The following EYS variants were observed in gnomAD, a reference collection of about 807,000 sequenced individuals.
The protein encoded by EYS is EGF-like photoreceptor maintenance factor.
EYS carries 250 observed loss-of-function variants against 282.1 expected under a neutral mutation model. That is an observed-to-expected ratio of 0.89 (90% CI 0.80 to 0.98). The LOEUF (loss-of-function observed/expected upper bound fraction) is 0.98, where lower values mean the gene tolerates loss of function less well. EYS is among the 50% of genes least tolerant of loss of function. The pLI is 0.00. For synonymous variants in EYS, 1,355 were observed against 1,282.9 expected (o/e 1.06, Z -1.20); for missense variants, 4,016 against 3,709.0 (o/e 1.08, Z -2.15).
chr6:65,079,717 T>A (rs1774171326), intron 12 of EYS, among the ~76,000 whole-genome samples: 1 of 152,122 alleles, frequency 6.6e-6, no homozygotes, highest in African/African-American at 2.4e-5. Flanking sequence ...GCATTGACTT[T>A]ACATGTATTA....
Position 64,385,764 on chromosome 6 carries a change from A to G in EYS, c.6078+2926T>C, listed in dbSNP as rs544001070. 2.6e-5 allele frequency among the ~76,000 whole-genome samples: 4 copies of G among 151,304 alleles called. No individual in the cohort carries two copies. In the South Asian group the frequency reaches 8.4e-4, roughly 32 times the overall value. ...CTCTGTTGCTTCTTCCAGTTCATTTATTCTTCCTCAGAATATTACAATTTG... is the reference window on the plus strand; with the variant it reads ...CTCTGTTGCTTCTTCCAGTTCATTTGTTCTTCCTCAGAATATTACAATTTG... On this transcript the variant is annotated intron_variant, in intron 29 of 42. Transcript: ENST00000503581.
intron 8 of EYS, among the ~76,000 whole-genome samples, chr6:65,364,917 G>A (rs533989547): frequency 6.6e-6 from 1 of 151,732 alleles, no homozygotes; most frequent in Non-Finnish European, 1.5e-5. Flanking sequence ...GAAAATCTCA[G>A]TGATAGTGTG....
rs73436908 is a variant in EYS at position 63,870,813 on chromosome 6, G to A, written c.7056-6455C>T. Among the ~76,000 whole-genome samples the A allele has an allele frequency of 3.4e-3, 517 of 152,218 alleles. 2 individuals carry two copies. Among genetic ancestry groups the A allele is most frequent in the African/African-American group, 0.01 (435 of 41,524 alleles). On this transcript the variant is annotated intron_variant, in intron 35 of 42. Transcript: ENST00000503581. ...GTTTAATGCCTACCTCTTGAACCCCGTGGTATATTTAGATTATAATCTGAA... is the reference window on the plus strand; with the variant it reads ...GTTTAATGCCTACCTCTTGAACCCCATGGTATATTTAGATTATAATCTGAA...
intron 13 of EYS, among the ~76,000 whole-genome samples, chr6:65,030,729 G>A (rs1370094915): frequency 6.6e-6 from 1 of 152,094 alleles, no homozygotes; most frequent in Non-Finnish European, 1.5e-5. Context: ...AGCCCTTCAG[G>A]GGCTGCTTTA....
chr6:63,936,534 T>C (rs1318560759), intron 35 of EYS, among the ~76,000 whole-genome samples: 1 of 152,220 alleles, frequency 6.6e-6, no homozygotes, highest in Non-Finnish European at 1.5e-5. Context: ...ATCCTACACA[T>C]GACTGCTGTT....
intron 12 of EYS, among the ~76,000 whole-genome samples, chr6:65,253,862 C>T (rs1767391011): frequency 6.6e-6 from 1 of 151,568 alleles, no homozygotes; most frequent in Admixed American, 6.6e-5. Flanking sequence ...CTCTAATATC[C>T]TATCTTTTTC....
At chr6:65,295,728 A>C (rs201230256) in intron 12 of EYS, 135 bp downstream of exon 12, 1 of 785,310 alleles carries the variant, frequency 1.3e-6, no homozygotes. Flanking sequence ...TTTTTTTTTT[A>C]CTTTGCCAAA....
At chr6:65,346,532 G>T (rs1473283145) in intron 9 of EYS, among the ~76,000 whole-genome samples, 1 of 151,246 alleles carries the variant, frequency 6.6e-6, no homozygotes, top group African/African-American at 2.4e-5. Context: ...TTCAATTGGA[G>T]GAATGGAGTA....
chr6:65,571,664 C>A (rs918434620), intron 2 of EYS, among the ~76,000 whole-genome samples: 2 of 151,928 alleles, frequency 1.3e-5, no homozygotes, highest in African/African-American at 4.8e-5. Context: ...GTACTATGAT[C>A]AGTTGCATTT....
chr6:64,419,777 C>T (rs772929523), intron 28 of EYS, among the ~76,000 whole-genome samples: 1 of 152,232 alleles, frequency 6.6e-6, no homozygotes, highest in African/African-American at 2.4e-5. Context: ...TGTGGCTTTG[C>T]AGGGTACAGC....
chr6:65,226,110 T>C (rs986808470), intron 12 of EYS, among the ~76,000 whole-genome samples: 1 of 152,038 alleles, frequency 6.6e-6, no homozygotes, highest in East Asian at 1.9e-4. Context: ...ATGTTATATA[T>C]AGGAAATTCT....
At chr6:64,321,741 T>A (rs1373187999) in intron 29 of EYS, among the ~76,000 whole-genome samples, 1 of 151,906 alleles carries the variant, frequency 6.6e-6, no homozygotes, top group Non-Finnish European at 1.5e-5. Flanking sequence ...AATGTAGTGT[T>A]TCTGATGTTT....
chr6:63,933,482 C>T (rs1042600366), intron 35 of EYS, among the ~76,000 whole-genome samples: 2 of 152,184 alleles, frequency 1.3e-5, no homozygotes, highest in African/African-American at 4.8e-5. Flanking sequence ...GCTGGGATTA[C>T]AGGTATGAGC....
rs1203370411 is a variant in EYS at position 64,590,273 on chromosome 6, G to A, written c.5594C>T (p.Thr1865Ile). 1 of 1,550,870 alleles carries A rather than the reference G, an allele frequency of 6.4e-7. No homozygotes were observed. Among genetic ancestry groups the A allele is most frequent in the Non-Finnish European group, 8.7e-7 (1 of 1,146,542 alleles). Reference protein sequence around the residue: ...SRHLPFTRSLTLSSLESILAP... With the variant: ...SRHLPFTRSLILSSLESILAP... ...CAGAATGGATTCCAGTGAAGACAAA[G>A]TAAGAGATCTAGTGAAGGGAAGATG... Residue 1865 changes from threonine (T) to isoleucine (I), a missense_variant, in exon 26 of 43, where the codon ACT becomes ATT. Physicochemically the swap from Thr to Ile is moderately conservative, Grantham distance 89. Transcript: ENST00000503581.
intron 9 of EYS, among the ~76,000 whole-genome samples, chr6:65,345,789 CAAAA>C (rs563572068): frequency 2.0e-5 from 3 of 149,596 alleles, no homozygotes; most frequent in Non-Finnish European, 4.5e-5. Flanking sequence ...TTTTAACCCA[CAAAA>C]AAGAGTGAGA....
At chr6:63,888,686 C>A (rs1032683571) in intron 35 of EYS, among the ~76,000 whole-genome samples, 1 of 152,202 alleles carries the variant, frequency 6.6e-6, no homozygotes, top group African/African-American at 2.4e-5. Context: ...ATGTGGTAAA[C>A]CAGCGTAAAA....
intron 5 of EYS, among the ~76,000 whole-genome samples, chr6:65,481,992 C>G (rs146254830): frequency 6.6e-6 from 1 of 152,132 alleles, no homozygotes; most frequent in Admixed American, 6.5e-5. Flanking sequence ...AGACTCAGTT[C>G]TTTATCTGGA....
chr6:63,747,392 C>A (rs928578538), intron 41 of EYS, among the ~76,000 whole-genome samples: 7 of 152,016 alleles, frequency 4.6e-5, no homozygotes, highest in African/African-American at 1.5e-4. Flanking sequence ...AGAATAAATG[C>A]GATGTGGTGC....
At chr6:63,814,254 G>A (rs1771122088) in intron 36 of EYS, among the ~76,000 whole-genome samples, 3 of 152,148 alleles carry the variant, frequency 2.0e-5, no homozygotes, top group South Asian at 4.1e-4. Flanking sequence ...AAATAAATAT[G>A]TCCGGAGATA....
Sources: gnomAD v4.1 joint callset for allele counts (sites outside exome capture counted in the v4.1 genomes callset) on GRCh38, gnomAD v4.1.1 for gene constraint, MANE v1.5 for transcripts, NCBI Gene and HGNC (gene_info 2026-07-23, HGNC 2026-07-21) for gene names.